The following PRRX2 variants were observed in gnomAD, a reference collection of about 807,000 sequenced individuals.
PRRX2 encodes the protein paired mesoderm homeobox protein 2.
In PRRX2, 11 loss-of-function variants were observed where a neutral mutation model predicts 18.0. That is an observed-to-expected ratio of 0.61 (90% CI 0.39 to 1.01). PRRX2 has a LOEUF of 1.01. Among genes scored for constraint, PRRX2 ranks in the 50% least tolerant of loss-of-function variants. The probability of loss-of-function intolerance (pLI) is 0.01; values close to 1 mark genes in which losing one functional copy is unlikely to be tolerated. For missense variants in PRRX2, 387 were observed against 351.0 expected, an observed-to-expected ratio of 1.10 and a Z score of -0.82; for synonymous variants, 177 against 154.8, an observed-to-expected ratio of 1.14 and a Z score of -1.06.
At chr9:129,714,222 T>C (rs565904345) in intron 1 of PRRX2, among the ~76,000 whole-genome samples, 7 of 151,590 alleles carry the variant, frequency 4.6e-5, no homozygotes, top group Non-Finnish European at 7.4e-5. Context: ...GGAGAATCGC[T>C]TGAACCCAGG....
chr9:129,714,402 C>CA (rs144863124), intron 1 of PRRX2, among the ~76,000 whole-genome samples: 9,175 of 102,362 alleles, frequency 0.09, 858 homozygotes, highest in African/African-American at 0.26. Context: ...TACTCTGTCT[C>CA]AAAAAAAAAA....
At position 129,720,768 on chromosome 9, in the gene PRRX2, C is replaced by T; in HGVS notation, c.620C>T (p.Pro207Leu). 1 of 1,579,228 alleles carries T rather than the reference C, an allele frequency of 6.3e-7. No individual in the cohort carries two copies. Among genetic ancestry groups the T allele is most frequent in the Non-Finnish European group, 8.6e-7 (1 of 1,160,854 alleles). Residue 207 changes from proline to leucine, a missense_variant, in exon 3 of 4, where the codon CCC becomes CTC. Transcript: ENST00000372469. The part of the protein sequence containing the change: ...PDYLSWTASS[P>L]YSTVPPYSPG... ...TATCTCTCCTGGACAGCCTCGTCCC[C>T]CTACAGGTGAGAGCGGGAACACCTT...
In PRRX2 at chr9:129,719,242, A is replaced by C. The variant is rs1416960570; in HGVS notation, c.271A>C (p.Ser91Arg). ...EAAPQDGECP[S>R]PGRGSAAKRK... ...CCCAACCTCCGCAGGTGAGTGTCCC[A>C]GCCCGGGGCGCGGTAGCGCCGCCAA... Residue 91 changes from serine (S) to arginine (R), a missense_variant, in exon 2 of 4, where the codon AGC (serine) becomes CGC (arginine). Coordinates refer to ENST00000372469, the MANE Select transcript of PRRX2 (RefSeq NM_016307.4). The C allele has an allele frequency of 6.3e-7, 1 of 1,595,410 alleles. No homozygotes were observed. Among genetic ancestry groups the C allele is most frequent in the Non-Finnish European group, 8.5e-7 (1 of 1,170,896 alleles).
rs1465527857 is a variant in PRRX2, at chr9:129,665,971, G to T, written c.104G>T (p.Arg35Leu). Residue 35 changes from arginine (R) to leucine (L), a missense_variant, in exon 1 of 4, where the codon CGC becomes CTC. By Grantham distance (102) the Arg-to-Leu change is moderately radical. Coordinates refer to ENST00000372469, the MANE Select transcript of PRRX2 (RefSeq NM_016307.4). This position sits in a 1 kb window ranked among gnomAD's most constrained non-coding sequence, Gnocchi z 5.3. ...GGGCCCGGCGACTGCGCCCAGGCGC[G>T]CAAGAACTTCTCGGTGAGCCACCTC... is the stretch of plus-strand genomic sequence containing the variant. ...ALGPGDCAQA[R>L]KNFSVSHLLD... 3.6e-5 allele frequency: 41 copies of T among 1,142,212 alleles called. No homozygotes were observed. Among genetic ancestry groups the T allele is most frequent in the Middle Eastern group, 4.0e-4 (1 of 2,516 alleles). 70.8% of individuals were successfully genotyped at this position (1,142,212 alleles called of 1,614,324 possible).
At chr9:129,698,265 G>GT (rs1832452329) in intron 1 of PRRX2, among the ~76,000 whole-genome samples, 1 of 103,928 alleles carries the variant, frequency 9.6e-6, no homozygotes, top group Non-Finnish European at 2.0e-5. Context: ...GGCGGGGGGG[G>GT]GGGGGGGCGG....
intron 3 of PRRX2, among the ~76,000 whole-genome samples, chr9:129,721,670 C>T (rs546315052): frequency 1.3e-5 from 2 of 152,256 alleles, no homozygotes; most frequent in South Asian, 4.2e-4. Flanking sequence ...ACCTCCGCCT[C>T]CCAGGCTCAA....
Position 129,694,804 on chromosome 9 carries a change from A to C in PRRX2, c.260-24427A>C, listed in dbSNP as rs540805506. Reference sequence around the variant, plus strand: ...AAGTACCTGGCACATAGGGGAGTCCATGGGGGGCAGCGGAGGGAGCCCCAT... The same window carrying C: ...AAGTACCTGGCACATAGGGGAGTCCCTGGGGGGCAGCGGAGGGAGCCCCAT... On this transcript the variant is annotated intron_variant, in intron 1 of 3. Transcript: ENST00000372469. 7.9e-5 allele frequency among the ~76,000 whole-genome samples: 12 copies of C among 152,232 alleles called. No homozygotes were observed. In the East Asian group the frequency reaches 2.1e-3, roughly 27 times the overall value.
chr9:129,683,652 G>C (rs1012321922), intron 1 of PRRX2, among the ~76,000 whole-genome samples: 1 of 151,980 alleles, frequency 6.6e-6, no homozygotes, highest in African/African-American at 2.4e-5. Context: ...GGAGAATGGC[G>C]GGAACCCGGG....
At chr9:129,688,117 C>T (rs1468037842) in intron 1 of PRRX2, among the ~76,000 whole-genome samples, 1 of 151,954 alleles carries the variant, frequency 6.6e-6, no homozygotes, top group Non-Finnish European at 1.5e-5. Flanking sequence ...GGCTGGAGTG[C>T]AGTGGTGCTA....
chr9:129,699,435 A>ATGTG (rs966193468), intron 1 of PRRX2, among the ~76,000 whole-genome samples: 2 of 142,578 alleles, frequency 1.4e-5, no homozygotes, highest in African/African-American at 5.7e-5. Context: ...AAAAAAATAT[A>ATGTG]TATATGTGTG....
rs761167838 is a variant in PRRX2 at position 129,720,637 on chromosome 9, A to G, written c.489A>G (p.Glu163=). Residue 163 remains glutamate, a synonymous_variant, in exon 3 of 4, where the codon GAA becomes GAG. Transcript: ENST00000372469. Reference sequence around the variant, plus strand: ...GCCGCGCCAAGTTCCGCAGGAATGAAAGGGCCATGCTGGCCAGCCGCTCTG... The same window carrying G: ...GCCGCGCCAAGTTCCGCAGGAATGAGAGGGCCATGCTGGCCAGCCGCTCTG... ...QNRRAKFRRN[E]RAMLASRSAS... is the part of the protein sequence containing the mutation. 4 of 1,613,060 alleles carry G rather than the reference A, an allele frequency of 2.5e-6. No homozygotes were observed. In the East Asian group the frequency reaches 6.7e-5, roughly 27 times the overall value.
chr9:129,701,300 C>T (rs1224749906), intron 1 of PRRX2, among the ~76,000 whole-genome samples: 4 of 152,214 alleles, frequency 2.6e-5, no homozygotes, highest in Non-Finnish European at 4.4e-5. Flanking sequence ...ACATTGACTT[C>T]GCTTCATAAA....
chr9:129,672,825 T>A (rs1053843375), intron 1 of PRRX2, among the ~76,000 whole-genome samples: 17 of 152,208 alleles, frequency 1.1e-4, no homozygotes, highest in African/African-American at 4.1e-4. Context: ...TCCCTGTCTC[T>A]GTGTAACAGC....
At chr9:129,668,494 C>G (rs1024472350) in intron 1 of PRRX2, among the ~76,000 whole-genome samples, 1 of 152,014 alleles carries the variant, frequency 6.6e-6, no homozygotes, top group African/African-American at 2.4e-5. Context: ...GAAAGATGGT[C>G]TGGCCGGGGG....
chr9:129,702,115 C>T (rs1832506134), intron 1 of PRRX2, among the ~76,000 whole-genome samples: 1 of 142,116 alleles, frequency 7.0e-6, no homozygotes, highest in African/African-American at 2.6e-5. Flanking sequence ...CTTTCTACGA[C>T]TGCCAGGCGC....
At chr9:129,673,692 C>T (rs1832127857) in intron 1 of PRRX2, among the ~76,000 whole-genome samples, 1 of 148,486 alleles carries the variant, frequency 6.7e-6, no homozygotes. Context: ...ACACACACGC[C>T]CCTCATCACG....
At chr9:129,687,919 G>T (rs1351889387) in intron 1 of PRRX2, among the ~76,000 whole-genome samples, 1 of 152,214 alleles carries the variant, frequency 6.6e-6, no homozygotes, top group Non-Finnish European at 1.5e-5. Context: ...TCTGGAGGTA[G>T]CGGGGACAGT....
At position 129,719,334 on chromosome 9, in the gene PRRX2, C is replaced by T. The variant is rs758038591; in HGVS notation, c.363C>T (p.Arg121=). ...FNSSQLQALE[R]VFERTHYPDA... is the part of the protein sequence containing the mutation. ...GCAGCCAACTGCAGGCGCTGGAGCG[C>T]GTGTTCGAGCGCACGCACTACCCCG... The change falls in exon 2 of 4, where the codon CGC becomes CGT. Residue 121 remains arginine, a synonymous_variant. Coordinates refer to ENST00000372469, the MANE Select transcript of PRRX2 (RefSeq NM_016307.4). The T allele has an allele frequency of 6.2e-7, 1 of 1,600,222 alleles. No homozygotes were observed. The highest frequency in any genetic ancestry group is 2.3e-5 in the East Asian group (1 of 44,168).
chr9:129,665,808 G>T lies in PRRX2; in HGVS notation c.-60G>T. 9.9e-7 allele frequency: 1 copy of T among 1,013,974 alleles called. No individual in the cohort carries two copies. The highest frequency in any genetic ancestry group is 1.2e-6 in the Non-Finnish European group (1 of 849,028). The allele number at this position is 1,013,974 out of a possible 1,614,324, so 62.8% of individuals were successfully genotyped here. A position where few individuals can be genotyped will look rare whatever the true frequency, so the allele number is the denominator to read the frequency against. On this transcript the variant is annotated 5_prime_UTR_variant, in exon 1 of 4. Coordinates refer to ENST00000372469, the MANE Select transcript of PRRX2 (RefSeq NM_016307.4). The surrounding 1 kb of genome is among the most constrained non-coding windows in gnomAD (Gnocchi z 5.3). The stretch of plus-strand genomic sequence containing the variant: ...GGCTCTCGCTCCGACCCGCGCCCGC[G>T]ACCCTTCCTGGGACCCGAGCCCGAG...
Sources: gnomAD v4.1 joint callset for allele counts (sites outside exome capture counted in the v4.1 genomes callset) on GRCh38, gnomAD v4.1.1 for gene constraint, Gnocchi (gnomAD v3.1) non-coding constraint, MANE v1.5 for transcripts, NCBI Gene and HGNC (gene_info 2026-07-23, HGNC 2026-07-21) for gene names.